Variants in GABRG1 observed in about 807,000 individuals in gnomAD.
GABRG1 encodes gamma-aminobutyric acid type A receptor subunit gamma1.
Under a neutral mutation model 49.8 loss-of-function variants are expected in GABRG1, and 49 were observed. That is an observed-to-expected ratio of 0.98 (90% CI 0.78 to 1.25). The LOEUF (loss-of-function observed/expected upper bound fraction) is 1.25, where lower values mean the gene tolerates loss of function less well. Ranked by LOEUF, GABRG1 falls within the 50% of genes most tolerant of loss-of-function variation. The probability of loss-of-function intolerance (pLI) is 0.00; values close to 1 mark genes in which losing one functional copy is unlikely to be tolerated. For synonymous variants in GABRG1, 232 were observed against 185.1 expected (o/e 1.25, Z -2.06); for missense variants, 552 against 552.3 (o/e 1.00, Z 0.01).
chr4:46,119,125 G>A (rs13108188), intron 1 of GABRG1, among the ~76,000 whole-genome samples: 301 of 151,084 alleles, frequency 2.0e-3, no homozygotes, highest in Middle Eastern at 3.4e-3. Flanking sequence ...GTTTGTCTGC[G>A]TCAAGTACTT....
chr4:46,064,615 A>G, intron 4 of GABRG1, 92 bp from the exon 5 acceptor site: 1 of 564,956 alleles, frequency 1.8e-6, no homozygotes, highest in South Asian at 3.2e-5. Context: ...ATTTTGTCAT[A>G]TGATAATAGA....
At chr4:46,121,460 AT>A (rs1205374378) in intron 1 of GABRG1, among the ~76,000 whole-genome samples, 3 of 152,040 alleles carry the variant, frequency 2.0e-5, no homozygotes, top group Admixed American at 1.3e-4. Context: ...TTTTAAATTT[AT>A]TTTTTAGCAA....
intron 2 of GABRG1, among the ~76,000 whole-genome samples, chr4:46,090,046 T>C (rs1307769187): frequency 3.3e-5 from 5 of 152,054 alleles, no homozygotes; most frequent in African/African-American, 1.2e-4. Context: ...TCTATGTTAA[T>C]TCTCCATTAA....
chr4:46,088,831 G>GTT (rs1553882215), intron 2 of GABRG1, among the ~76,000 whole-genome samples: 2 of 150,872 alleles, frequency 1.3e-5, no homozygotes, highest in African/African-American at 2.4e-5. Flanking sequence ...GTGTGTGTGT[G>GTT]TGTGTGTGTG....
chr4:46,074,560 A>G (rs562920378), intron 3 of GABRG1, among the ~76,000 whole-genome samples: 6 of 152,246 alleles, frequency 3.9e-5, no homozygotes, highest in African/African-American at 7.2e-5. Context: ...CAGTTTTAAC[A>G]ATTTCAGTTA....
At chr4:46,117,414 G>A (rs1720931611) in intron 1 of GABRG1, among the ~76,000 whole-genome samples, 1 of 150,012 alleles carries the variant, frequency 6.7e-6, no homozygotes, top group African/African-American at 2.4e-5. Context: ...GCCTTCAATA[G>A]GATGTTTCTA....
chr4:46,120,260 G>A (rs1721055275), intron 1 of GABRG1, among the ~76,000 whole-genome samples: 1 of 151,624 alleles, frequency 6.6e-6, no homozygotes, highest in African/African-American at 2.4e-5. Context: ...CATTTTCTCA[G>A]TATCTCCAGA....
intron 1 of GABRG1, among the ~76,000 whole-genome samples, chr4:46,116,168 T>A (rs1720879313): frequency 6.6e-6 from 1 of 151,082 alleles, no homozygotes; most frequent in East Asian, 2.0e-4. Flanking sequence ...ACCCATCCAA[T>A]GAAATCTTCA....
In GABRG1 at chr4:46,097,351, T is replaced by G; in HGVS notation, c.105-2A>C. On this transcript the variant is annotated splice_acceptor_variant, in intron 1 of 8. Coordinates refer to ENST00000295452, the MANE Select transcript of GABRG1 (RefSeq NM_173536.4). LOFTEE classifies it high-confidence loss of function. Reference sequence around the variant, plus strand: ...TCTTCATCATCTGCCTTATCAACACTAAATAATTCAAAGAAAAAAATGGAT... The same window carrying G: ...TCTTCATCATCTGCCTTATCAACACGAAATAATTCAAAGAAAAAAATGGAT... 6.3e-7 allele frequency: 1 copy of G among 1,599,152 alleles called. No individual in the cohort carries two copies. The highest frequency in any genetic ancestry group is 8.5e-7 in the Non-Finnish European group (1 of 1,173,996).
intron 7 of GABRG1, among the ~76,000 whole-genome samples, chr4:46,056,980 T>A (rs1718478516): frequency 1.3e-5 from 2 of 152,142 alleles, no homozygotes. Context: ...CCCAGTGGTA[T>A]AAATAATCCA....
At chr4:46,060,253 T>C (rs951032576) in intron 5 of GABRG1, among the ~76,000 whole-genome samples, 1 of 123,332 alleles carries the variant, frequency 8.1e-6, no homozygotes, top group Non-Finnish European at 1.7e-5. Flanking sequence ...CTTTCGGTGG[T>C]TGTATGTGTG....
Position 46,058,474 on chromosome 4 carries a change from A to T in GABRG1, c.763+11T>A. Reference sequence around the variant, plus strand: ...GCTAGCATCATTTCACTATTTGAGTATTCTTTTTACCAGAGATCGTGTGAG... The same window carrying T: ...GCTAGCATCATTTCACTATTTGAGTTTTCTTTTTACCAGAGATCGTGTGAG... On this transcript the variant is annotated intron_variant, in intron 6 of 8. Transcript: ENST00000295452. 6.2e-7 allele frequency: 1 copy of T among 1,610,890 alleles called. No homozygotes were observed. Among genetic ancestry groups the T allele is most frequent in the Non-Finnish European group, 8.5e-7 (1 of 1,178,486 alleles).
chr4:46,121,477 T>C (rs1721088157), intron 1 of GABRG1, among the ~76,000 whole-genome samples: 1 of 152,034 alleles, frequency 6.6e-6, no homozygotes. Flanking sequence ...AGCAAAAGCA[T>C]GCTTTATTTC....
intron 8 of GABRG1, among the ~76,000 whole-genome samples, chr4:46,049,811 G>A (rs568159388): frequency 1.3e-4 from 20 of 151,916 alleles, no homozygotes; most frequent in African/African-American, 4.3e-4. Flanking sequence ...CATGATCTGC[G>A]GTCAAACTGA....
At position 46,081,170 on chromosome 4, in the gene GABRG1, T is replaced by G. The variant is rs917736137; in HGVS notation, c.321+2816A>C. ...TACATGTGTTCCCTAAGGTCTGCTATTCATTTCTTTGTTCTTCTCTCTTCA... is the reference window on the plus strand; with the variant it reads ...TACATGTGTTCCCTAAGGTCTGCTAGTCATTTCTTTGTTCTTCTCTCTTCA... On this transcript the variant is annotated intron_variant, in intron 3 of 8. Coordinates refer to ENST00000295452, the MANE Select transcript of GABRG1 (RefSeq NM_173536.4). Among the ~76,000 whole-genome samples, 11 of 151,834 alleles carry G rather than the reference T, an allele frequency of 7.2e-5. No homozygotes were observed. In the East Asian group the frequency reaches 1.2e-3, roughly 16 times the overall value.
intron 2 of GABRG1, among the ~76,000 whole-genome samples, chr4:46,084,259 A>G (rs1292447550): frequency 6.6e-6 from 1 of 151,738 alleles, no homozygotes; most frequent in East Asian, 1.9e-4. Context: ...ATATAGAGAT[A>G]AAGCACATGA....
Position 46,036,900 on chromosome 4 carries a change from C to T in GABRG1, c.*4088G>A, listed in dbSNP as rs1560342679. 1 of 151,840 alleles carries T rather than the reference C, an allele frequency of 6.6e-6. No homozygotes were observed. Among genetic ancestry groups the T allele is most frequent in the Non-Finnish European group, 1.5e-5 (1 of 67,838 alleles). 9.4% of individuals were successfully genotyped at this position (151,840 alleles called of 1,614,324 possible). On this transcript the variant is annotated 3_prime_UTR_variant, in exon 9 of 9. Transcript: ENST00000295452. ...CATTCGTACTTCTCAGTTTATTGTT[C>T]TAACCTAACCTTTCATTGTCTCTAT...
intron 8 of GABRG1, among the ~76,000 whole-genome samples, chr4:46,047,004 A>G (rs904997119): frequency 4.6e-5 from 7 of 152,070 alleles, no homozygotes; most frequent in African/African-American, 1.7e-4. Flanking sequence ...TTTCTTTCCT[A>G]AGAGAAAATG....
At chr4:46,083,121 T>G (rs1317335746) in intron 3 of GABRG1, among the ~76,000 whole-genome samples, 1 of 151,660 alleles carries the variant, frequency 6.6e-6, no homozygotes, top group East Asian at 1.9e-4. Flanking sequence ...GACTCTACCA[T>G]CTTCAAAGTC....
Sources: allele counts gnomAD v4.1 joint callset (sites outside exome capture counted in the v4.1 genomes callset), GRCh38; gene constraint gnomAD v4.1.1; transcripts MANE v1.5; gene names NCBI Gene and HGNC (gene_info 2026-07-23, HGNC 2026-07-21).